Variants in HEMK1 observed in about 807,000 individuals in gnomAD.
HEMK1 encodes the protein HemK methyltransferase 1, mitochondrial release factors N(5)-glutamine.
In HEMK1, 36 loss-of-function variants were observed where a neutral mutation model predicts 47.9. That is an observed-to-expected ratio of 0.75 (90% CI 0.58 to 0.99). HEMK1 has a LOEUF of 0.99. Ranked by LOEUF, HEMK1 falls within the 50% of genes least tolerant of loss-of-function variation. The pLI is 0.00. For synonymous variants in HEMK1, 153 were observed against 165.4 expected (o/e 0.93, Z 0.57); for missense variants, 383 against 434.5 (o/e 0.88, Z 1.05).
At chr3:50,576,907 C>A in intron 4 of HEMK1, 145 bp from the exon 5 acceptor site, 1 of 956,096 alleles carries the variant, frequency 1.0e-6, no homozygotes, top group Non-Finnish European at 1.6e-6. Context: ...GGTGACTTGG[C>A]CATGCCCCAG....
rs2031652148 is a variant in HEMK1 at position 50,590,283 on chromosome 3, G to A, written c.*9866G>A. The A allele has an allele frequency of 6.6e-6, 1 of 151,440 alleles. No individual in the cohort carries two copies. Among genetic ancestry groups the A allele is most frequent in the African/African-American group, 2.4e-5 (1 of 41,208 alleles). 9.4% of individuals were successfully genotyped at this position (151,440 alleles called of 1,614,324 possible). On this transcript the variant is annotated 3_prime_UTR_variant, in exon 11 of 11. Coordinates refer to ENST00000232854, the MANE Select transcript of HEMK1 (RefSeq NM_016173.5). ...AAGCCAGAAAGAAAGGGGCCGTGCAGGGTGGCTCACACTTGTAATCCCAGC... is the reference window on the plus strand; with the variant it reads ...AAGCCAGAAAGAAAGGGGCCGTGCAAGGTGGCTCACACTTGTAATCCCAGC...
intron 4 of HEMK1, among the ~76,000 whole-genome samples, chr3:50,575,429 A>G (rs971267828): frequency 6.6e-6 from 1 of 152,046 alleles, no homozygotes; most frequent in Non-Finnish European, 1.5e-5. Context: ...TCTCAAAAAA[A>G]AAAAGAAAAG....
intron 4 of HEMK1, among the ~76,000 whole-genome samples, chr3:50,572,772 G>A (rs1701152105): frequency 6.6e-6 from 1 of 152,252 alleles, no homozygotes; most frequent in Admixed American, 6.5e-5. Context: ...ACTAGGACTA[G>A]GGATGTGTGG....
Position 50,580,728 on chromosome 3 carries a change from C to A in HEMK1, c.*311C>A. On this transcript the variant is annotated 3_prime_UTR_variant, in exon 11 of 11. Transcript: ENST00000232854. ...TTGCAGGTCCCCTGACCCCCTTACT[C>A]CCAGGTAGCACTGGGGCAAGGGTTT... 2.3e-6 allele frequency: 1 copy of A among 439,826 alleles called. No homozygotes were observed. Among genetic ancestry groups the A allele is most frequent in the Non-Finnish European group, 4.1e-6 (1 of 242,564 alleles). 27.2% of individuals were successfully genotyped at this position (439,826 alleles called of 1,614,324 possible).
chr3:50,589,165 C>T lies in HEMK1; in HGVS notation c.*8748C>T, dbSNP rs1340246700. ...GGTAGTTGTAGTCTTATGTTGGTCT[C>T]AATGTCCATTTTCTTTCAGTGTTTG... On this transcript the variant is annotated 3_prime_UTR_variant, in exon 11 of 11. Transcript: ENST00000232854. 1 of 152,246 alleles carries T rather than the reference C, an allele frequency of 6.6e-6. No individual in the cohort carries two copies. The highest frequency in any genetic ancestry group is 1.5e-5 in the Non-Finnish European group (1 of 68,048). 9.4% of individuals were successfully genotyped at this position (152,246 alleles called of 1,614,324 possible).
In HEMK1 at chr3:50,579,950, G is replaced by A. The variant is rs1186500506; in HGVS notation, c.866+11G>A. 6.2e-7 allele frequency: 1 copy of A among 1,607,182 alleles called. No homozygotes were observed. The highest frequency in any genetic ancestry group is 1.3e-5 in the African/African-American group (1 of 74,788). On this transcript the variant is annotated intron_variant, in intron 9 of 10. Coordinates refer to ENST00000232854, the MANE Select transcript of HEMK1 (RefSeq NM_016173.5). Reference sequence around the variant, plus strand: ...CCTGAAAGACTCTGGGTATGAATGGGATGGGTCTCCTAGGTCTGTCCCCAG... The same window carrying A: ...CCTGAAAGACTCTGGGTATGAATGGAATGGGTCTCCTAGGTCTGTCCCCAG...
rs1239438036 is a variant in HEMK1, at chr3:50,582,848, C to G, written c.*2431C>G. Reference sequence around the variant, plus strand: ...CCCCTCAGCCTCTCCTCACTATGGCCCCAGTGCCTTGAGGCCCAGGCCAGG... The same window carrying G: ...CCCCTCAGCCTCTCCTCACTATGGCGCCAGTGCCTTGAGGCCCAGGCCAGG... On this transcript the variant is annotated 3_prime_UTR_variant, in exon 11 of 11. Coordinates refer to ENST00000232854, the MANE Select transcript of HEMK1 (RefSeq NM_016173.5). 1 of 152,346 alleles carries G rather than the reference C, an allele frequency of 6.6e-6. No individual in the cohort carries two copies. The highest frequency in any genetic ancestry group is 1.5e-5 in the Non-Finnish European group (1 of 68,144). 9.4% of individuals were successfully genotyped at this position (152,346 alleles called of 1,614,324 possible).
Position 50,571,063 on chromosome 3 carries a change from C to A in HEMK1, c.-42C>A. 6.8e-7 allele frequency: 1 copy of A among 1,474,740 alleles called. No homozygotes were observed. The highest frequency in any genetic ancestry group is 1.3e-5 in the South Asian group (1 of 77,748). 91.4% of individuals were successfully genotyped at this position (1,474,740 alleles called of 1,614,324 possible). A position where few individuals can be genotyped will look rare whatever the true frequency, so the allele number is the denominator to read the frequency against. On this transcript the variant is annotated 5_prime_UTR_variant, in exon 2 of 11. Transcript: ENST00000232854. ...TCAGCAGCTGACATCATAAAGCAGA[C>A]TTGGGAACCTGGAAGCACTCTGGAG...
chr3:50,579,725 C>A (rs1340297499), intron 8 of HEMK1, 119 bp from the exon 9 acceptor site: 2 of 708,180 alleles, frequency 2.8e-6, no homozygotes, highest in East Asian at 5.2e-5. Flanking sequence ...CTCAGATTTG[C>A]CCTTCAGCCC....
chr3:50,580,538 C>A lies in HEMK1; in HGVS notation c.*121C>A. 1.0e-6 allele frequency: 1 copy of A among 1,003,332 alleles called. No homozygotes were observed. Among genetic ancestry groups the A allele is most frequent in the Non-Finnish European group, 1.5e-6 (1 of 669,062 alleles). The allele number at this position is 1,003,332 out of a possible 1,614,324, so 62.2% of individuals were successfully genotyped here. A position where few individuals can be genotyped will look rare whatever the true frequency, so the allele number is the denominator to read the frequency against. On this transcript the variant is annotated 3_prime_UTR_variant, in exon 11 of 11. Coordinates refer to ENST00000232854, the MANE Select transcript of HEMK1 (RefSeq NM_016173.5). ...CAGGGTTCTGTGATTTCCCCATGCT[C>A]TGCATTTCTAGGATATTTCTAGGAC... is the stretch of plus-strand genomic sequence containing the variant.
intron 4 of HEMK1, among the ~76,000 whole-genome samples, chr3:50,576,598 CG>C (rs1433874780): frequency 2.6e-5 from 4 of 152,144 alleles, no homozygotes; most frequent in Admixed American, 1.3e-4. Flanking sequence ...TTAGCAGAGA[CG>C]GGGTTTCACC....
At chr3:50,579,372 A>G (rs576775319) in intron 8 of HEMK1, among the ~76,000 whole-genome samples, 2 of 152,170 alleles carry the variant, frequency 1.3e-5, no homozygotes, top group Admixed American at 1.3e-4. Flanking sequence ...AGCTGGCCCC[A>G]GGCTAGCTTT....
chr3:50,572,563 G>A (rs1701120675), intron 4 of HEMK1, among the ~76,000 whole-genome samples: 1 of 152,222 alleles, frequency 6.6e-6, no homozygotes, highest in African/African-American at 2.4e-5. Context: ...AGCTTCTCAG[G>A]AGGCATGGAG....
intron 4 of HEMK1, among the ~76,000 whole-genome samples, chr3:50,575,422 C>CAAA (rs35905380): frequency 7.2e-6 from 1 of 139,080 alleles, no homozygotes; most frequent in Non-Finnish European, 1.6e-5. Flanking sequence ...AACTCTGTCT[C>CAAA]AAAAAAAAAA....
Position 50,571,158 on chromosome 3 carries a change from G to A in HEMK1, c.54G>A (p.Arg18=), listed in dbSNP as rs1316689810. 1 of 1,613,196 alleles carries A rather than the reference G, an allele frequency of 6.2e-7. No homozygotes were observed. The highest frequency in any genetic ancestry group is 1.3e-5 in the African/African-American group (1 of 74,874). ...LWALLSGPGR[R]GSTRGWAFSS... ...CCCTCCTGTCTGGCCCAGGGAGGAGGGGAAGTACCCGGGGCTGGGCCTTCA... is the reference window on the plus strand; with the variant it reads ...CCCTCCTGTCTGGCCCAGGGAGGAGAGGAAGTACCCGGGGCTGGGCCTTCA... The change falls in exon 2 of 11, where the codon AGG becomes AGA. Residue 18 remains arginine, a synonymous_variant. Coordinates refer to ENST00000232854, the MANE Select transcript of HEMK1 (RefSeq NM_016173.5).
rs1700901418 is a variant in HEMK1, at chr3:50,571,131, G to T, written c.27G>T (p.Trp9Cys). 1.2e-6 allele frequency: 2 copies of T among 1,607,172 alleles called. No homozygotes were observed. The highest frequency in any genetic ancestry group is 2.7e-5 in the African/African-American group (2 of 74,756). The change falls in exon 2 of 11, where the codon TGG (tryptophan) becomes TGT (cysteine). Residue 9 changes from tryptophan to cysteine, a missense_variant. Trp to Cys is a radical substitution (Grantham distance 215). Coordinates refer to ENST00000232854, the MANE Select transcript of HEMK1 (RefSeq NM_016173.5). ...TGGAGCTTTGGGGCCGAATGCTGTG[G>T]GCCCTCCTGTCTGGCCCAGGGAGGA... is the stretch of plus-strand genomic sequence containing the variant. MELWGRML[W>C]ALLSGPGRRG...
intron 4 of HEMK1, among the ~76,000 whole-genome samples, chr3:50,574,837 G>A (rs373169317): frequency 1.3e-5 from 2 of 152,214 alleles, no homozygotes; most frequent in East Asian, 1.9e-4. Flanking sequence ...GCAATCATTT[G>A]TTAGGTGCAG....
chr3:50,573,588 G>C lies in HEMK1; in HGVS notation c.414+1380G>C, dbSNP rs569914544. Among the ~76,000 whole-genome samples the C allele has an allele frequency of 3.2e-4, 48 of 152,202 alleles. 1 individual carries two copies. In the South Asian group the frequency reaches 9.8e-3, roughly 31 times the overall value. On this transcript the variant is annotated intron_variant, in intron 4 of 10. Transcript: ENST00000232854. ...CAAGAGAGCAGCTCTACTGCAAGGG[G>C]TGGGGTGAGGGGAGATGCTGCGATT...
intron 4 of HEMK1, among the ~76,000 whole-genome samples, chr3:50,574,842 G>T (rs1393138255): frequency 6.6e-6 from 1 of 152,178 alleles, no homozygotes; most frequent in Non-Finnish European, 1.5e-5. Context: ...CATTTGTTAG[G>T]TGCAGAAGAG....
Sources: allele counts gnomAD v4.1 joint callset (sites outside exome capture counted in the v4.1 genomes callset), GRCh38; gene constraint gnomAD v4.1.1; transcripts MANE v1.5; gene names NCBI Gene and HGNC (gene_info 2026-07-23, HGNC 2026-07-21).